The following NEK11 variants were observed in gnomAD, a reference collection of about 807,000 sequenced individuals.
NEK11 encodes the protein NIMA related kinase 11.
Under a neutral mutation model 80.7 loss-of-function variants are expected in NEK11, and 72 were observed. That is an observed-to-expected ratio of 0.89 (90% CI 0.74 to 1.08). The LOEUF (loss-of-function observed/expected upper bound fraction) is 1.08. NEK11 is among the 50% of genes least tolerant of loss of function. The pLI is 0.00. For missense variants in NEK11, 764 were observed against 763.6 expected, an observed-to-expected ratio of 1.00 and a Z score of -0.01; for synonymous variants, 251 against 260.7, an observed-to-expected ratio of 0.96 and a Z score of 0.36.
chr3:131,307,157 T>A (rs1322344632), intron 17 of NEK11, among the ~76,000 whole-genome samples: 1 of 152,220 alleles, frequency 6.6e-6, no homozygotes, highest in East Asian at 1.9e-4. Context: ...CCTTTCTTCG[T>A]ATCCTGTACC....
rs147965028 is a variant in NEK11, at chr3:131,054,853, A to G, written c.170+24975A>G. On this transcript the variant is annotated intron_variant, in intron 3 of 17. Coordinates refer to ENST00000383366, the MANE Select transcript of NEK11 (RefSeq NM_024800.5). ...AGATGGCTAAGGGAGGGGTTTTATC[A>G]TTTAGGTTGATGGTTGTACCTTAGT... Among the ~76,000 whole-genome samples the G allele has an allele frequency of 2.1e-3, 322 of 152,274 alleles. 1 individual carries two copies. Among genetic ancestry groups the G allele is most frequent in the African/African-American group, 7.5e-3 (312 of 41,560 alleles).
intron 14 of NEK11, among the ~76,000 whole-genome samples, chr3:131,197,711 A>T (rs1329983962): frequency 6.6e-6 from 1 of 152,092 alleles, no homozygotes; most frequent in Non-Finnish European, 1.5e-5. Flanking sequence ...GTGGCTAGCC[A>T]TCTGGAGGGG....
chr3:131,135,831 A>T (rs1014763808), intron 7 of NEK11, among the ~76,000 whole-genome samples: 1 of 152,176 alleles, frequency 6.6e-6, no homozygotes, highest in South Asian at 2.1e-4. Context: ...TATGTAACAA[A>T]CCTGGCTCCT....
At chr3:131,317,362 T>C (rs2096850892) in intron 17 of NEK11, among the ~76,000 whole-genome samples, 1 of 152,144 alleles carries the variant, frequency 6.6e-6, no homozygotes, top group Non-Finnish European at 1.5e-5. Flanking sequence ...TTGGTCCTGG[T>C]GCTGGTTTCA....
intron 17 of NEK11, among the ~76,000 whole-genome samples, chr3:131,301,756 T>G (rs1481408293): frequency 6.6e-6 from 1 of 152,122 alleles, no homozygotes; most frequent in East Asian, 1.9e-4. Flanking sequence ...TAGCTTTTTG[T>G]TGTGCTGCTG....
intron 5 of NEK11, among the ~76,000 whole-genome samples, chr3:131,128,530 A>C (rs1321259616): frequency 6.6e-6 from 1 of 152,220 alleles, no homozygotes. Context: ...GTGTGAATGT[A>C]CCATGGTTTA....
intron 16 of NEK11, among the ~76,000 whole-genome samples, chr3:131,266,455 C>T (rs563316019): frequency 1.4e-4 from 21 of 152,122 alleles, no homozygotes; most frequent in Admixed American, 5.2e-4. Context: ...CCGCCTATTT[C>T]GTTATTTACC....
At chr3:131,208,622 T>G (rs1441062623) in intron 14 of NEK11, among the ~76,000 whole-genome samples, 1 of 152,222 alleles carries the variant, frequency 6.6e-6, no homozygotes, top group Non-Finnish European at 1.5e-5. Context: ...CATTTGTTTG[T>G]GTCCTCTTTT....
chr3:131,080,478 G>T lies in NEK11; in HGVS notation c.226G>T (p.Ala76Ser). The T allele has an allele frequency of 6.2e-7, 1 of 1,613,918 alleles. No individual in the cohort carries two copies. Among genetic ancestry groups the T allele is most frequent in the Non-Finnish European group, 8.5e-7 (1 of 1,179,876 alleles). ...GELNPNETVQ[A>S]NLEAQLLSKL... ...ACTAAATCCAAATGAAACTGTACAG[G>T]CCAATTTGGAAGCCCAACTCCTCTC... The change falls in exon 4 of 18, where the codon GCC (alanine) becomes TCC (serine). Residue 76 changes from alanine to serine, a missense_variant. Transcript: ENST00000383366.
chr3:131,181,745 CAAAAAAA>C (rs58463955), intron 14 of NEK11, among the ~76,000 whole-genome samples: 2 of 83,124 alleles, frequency 2.4e-5, no homozygotes, highest in African/African-American at 5.0e-5. Context: ...GACTCCGCCT[CAAAAAAA>C]AAAAAAAAAA....
intron 16 of NEK11, among the ~76,000 whole-genome samples, chr3:131,252,950 T>C (rs1216231240): frequency 1.3e-5 from 2 of 152,102 alleles, no homozygotes; most frequent in Non-Finnish European, 1.5e-5. Flanking sequence ...TAAAATGAAA[T>C]GTTTTCTTCC....
At chr3:131,093,011 G>A (rs1033340622) in intron 4 of NEK11, 1 of 152,194 alleles carries the variant, frequency 6.6e-6, no homozygotes, top group Non-Finnish European at 1.5e-5. Context: ...CAGTGGTACT[G>A]TTAGAATCTC....
rs1240670193 is a variant in NEK11 at position 131,029,550 on chromosome 3, CA to C, written c.-96-62del. 17 of 623,954 alleles carry C rather than the reference CA, an allele frequency of 2.7e-5. No individual in the cohort carries two copies. The Admixed American group carries it at 5.1e-4, about 19-fold the overall frequency. 38.7% of individuals were successfully genotyped at this position (623,954 alleles called of 1,614,324 possible). A position where few individuals can be genotyped will look rare whatever the true frequency, so the allele number is the denominator to read the frequency against. ...AAGGTGCAGATATCACTGCACTTAACACTTTTTGTTAGACATCGTTTAGCAA... is the reference window on the plus strand; with the variant it reads ...AAGGTGCAGATATCACTGCACTTAACCTTTTTGTTAGACATCGTTTAGCAA... On this transcript the variant is annotated intron_variant, in intron 2 of 17. Transcript: ENST00000383366.
chr3:131,268,788 C>T (rs894363902), intron 16 of NEK11, among the ~76,000 whole-genome samples: 6 of 152,350 alleles, frequency 3.9e-5, no homozygotes, highest in Non-Finnish European at 7.4e-5. Flanking sequence ...TAGCAGAGCT[C>T]GAACACTGTG....
intron 16 of NEK11, among the ~76,000 whole-genome samples, chr3:131,272,493 T>TTTTTTA (rs2096214989): frequency 8.1e-6 from 1 of 123,016 alleles, no homozygotes; most frequent in Non-Finnish European, 1.6e-5. Context: ...TTTTTTTTTT[T>TTTTTTA]GAGACAGAGC....
intron 15 of NEK11, among the ~76,000 whole-genome samples, chr3:131,229,800 G>A (rs72989893): frequency 0.06 from 9,192 of 152,030 alleles, 792 homozygotes; most frequent in African/African-American, 0.19. Flanking sequence ...AAGAGATGAA[G>A]AGAAAGGATT....
At chr3:131,086,494 C>A (rs1363722865) in intron 4 of NEK11, among the ~76,000 whole-genome samples, 4 of 152,170 alleles carry the variant, frequency 2.6e-5, no homozygotes, top group African/African-American at 9.6e-5. Context: ...TGGGTTACAC[C>A]CAGTACCGTC....
chr3:131,068,746 T>C (rs1286279254), intron 3 of NEK11, among the ~76,000 whole-genome samples: 1 of 152,186 alleles, frequency 6.6e-6, no homozygotes, highest in Admixed American at 6.5e-5. Flanking sequence ...TCCTTCCTAG[T>C]AGTAGATTCT....
chr3:131,092,805 T>C (rs2076919820), intron 4 of NEK11: 1 of 152,180 alleles, frequency 6.6e-6, no homozygotes, highest in Non-Finnish European at 1.5e-5. Flanking sequence ...AAAGTTCCTC[T>C]TTATTATTTT....
Sources: allele counts gnomAD v4.1 joint callset (sites outside exome capture counted in the v4.1 genomes callset), GRCh38; gene constraint gnomAD v4.1.1; transcripts MANE v1.5; gene names NCBI Gene and HGNC (gene_info 2026-07-23, HGNC 2026-07-21).